The following ADCY2 variants were observed in gnomAD, a reference collection of about 807,000 sequenced individuals.
ADCY2 encodes adenylate cyclase type 2.
A neutral mutation model predicts 125.2 loss-of-function variants in ADCY2; 31 were observed. The ratio of observed to expected loss-of-function variants is 0.25; its 90% CI spans 0.19 to 0.33. ADCY2 has a LOEUF of 0.33. ADCY2 is among the 10% of genes least tolerant of loss of function. The pLI is 1.00. For missense variants in ADCY2, 904 were observed against 1,418.2 expected (o/e 0.64, Z 5.82); for synonymous variants, 512 against 548.4 (o/e 0.93, Z 0.93).
intron 16 of ADCY2, among the ~76,000 whole-genome samples, chr5:7,764,452 G>A (rs1393685122): frequency 6.6e-6 from 1 of 152,148 alleles, no homozygotes; most frequent in Non-Finnish European, 1.5e-5. Context: ...GTTAACTATA[G>A]TCTAGTCAGG....
At chr5:7,514,353 A>G (rs925683806) in intron 2 of ADCY2, among the ~76,000 whole-genome samples, 1 of 152,180 alleles carries the variant, frequency 6.6e-6, no homozygotes, top group African/African-American at 2.4e-5. Context: ...TAGTAATTTT[A>G]TGTCCAAAAA....
At chr5:7,704,352 G>A (rs1006469899) in intron 7 of ADCY2, among the ~76,000 whole-genome samples, 1 of 152,132 alleles carries the variant, frequency 6.6e-6, no homozygotes, top group Non-Finnish European at 1.5e-5. Flanking sequence ...CAGGCACCAC[G>A]GCAGAGGCAC....
At chr5:7,611,182 A>G (rs1178994937) in intron 3 of ADCY2, 1 of 152,238 alleles carries the variant, frequency 6.6e-6, no homozygotes, top group African/African-American at 2.4e-5. Flanking sequence ...AACTGTAGGT[A>G]AACTCTTTTG....
chr5:7,698,953 G>T (rs1344367186), intron 7 of ADCY2, among the ~76,000 whole-genome samples: 1 of 151,976 alleles, frequency 6.6e-6, no homozygotes, highest in East Asian at 1.9e-4. Flanking sequence ...GATCCTTGAG[G>T]AATCACCACA....
At chr5:7,540,458 C>A (rs533374518) in intron 3 of ADCY2, among the ~76,000 whole-genome samples, 1 of 152,274 alleles carries the variant, frequency 6.6e-6, no homozygotes, top group Admixed American at 6.5e-5. Context: ...TTTTCCATCT[C>A]TAATTTCCGC....
At chr5:7,756,419 G>A (rs1042582102) in intron 15 of ADCY2, among the ~76,000 whole-genome samples, 1 of 152,290 alleles carries the variant, frequency 6.6e-6, no homozygotes, top group Admixed American at 6.5e-5. Flanking sequence ...CAACAGCCAA[G>A]AGGTGAAGCA....
intron 10 of ADCY2, among the ~76,000 whole-genome samples, chr5:7,710,672 A>T (rs1305901505): frequency 6.6e-6 from 1 of 152,206 alleles, no homozygotes; most frequent in Non-Finnish European, 1.5e-5. Context: ...TCATGGGGTG[A>T]GATGCACCAC....
intron 3 of ADCY2, among the ~76,000 whole-genome samples, chr5:7,554,126 G>A (rs1735432349): frequency 6.6e-6 from 1 of 152,158 alleles, no homozygotes; most frequent in Non-Finnish European, 1.5e-5. Flanking sequence ...AAATAAATAG[G>A]AATTTGTTTA....
At chr5:7,626,440 G>A in intron 4 of ADCY2, 124 bp downstream of exon 4, 1 of 1,131,012 alleles carries the variant, frequency 8.8e-7, no homozygotes, top group East Asian at 2.6e-5. Context: ...AGAAACCCTG[G>A]GCTCTGCACC....
intron 3 of ADCY2, among the ~76,000 whole-genome samples, chr5:7,582,561 T>C (rs1337941811): frequency 1.3e-5 from 2 of 152,114 alleles, no homozygotes; most frequent in African/African-American, 4.8e-5. Context: ...ATACAAAGAA[T>C]AATATATTTT....
At chr5:7,717,504 C>T (rs539427005) in intron 12 of ADCY2, among the ~76,000 whole-genome samples, 24 of 152,242 alleles carry the variant, frequency 1.6e-4, no homozygotes, top group African/African-American at 5.1e-4. Context: ...AATTACAGCA[C>T]GATGTGTTCA....
rs1744739661 is a variant in ADCY2 at position 7,805,704 on chromosome 5, A to G, written c.2883+1012A>G. On this transcript the variant is annotated intron_variant, in intron 22 of 24. Transcript: ENST00000338316. ...TCTCCCATAACCACCTCCCATGGGAAGAGTGAGAGTGGGGAGAGAGGCAGC... is the reference window on the plus strand; with the variant it reads ...TCTCCCATAACCACCTCCCATGGGAGGAGTGAGAGTGGGGAGAGAGGCAGC... Among the ~76,000 whole-genome samples, 4 of 152,188 alleles carry G rather than the reference A, an allele frequency of 2.6e-5. No individual in the cohort carries two copies. The South Asian group carries it at 8.3e-4, about 32-fold the overall frequency.
At position 7,802,405 on chromosome 5, in the gene ADCY2, C is replaced by A; in HGVS notation, c.2775+41C>A. 6.2e-7 allele frequency: 1 copy of A among 1,603,700 alleles called. No homozygotes were observed. ...TGCCCTCGAAGGGCAGCAGTACACT[C>A]AGTCTCACACCTGTGCACTTGAAGT... On this transcript the variant is annotated intron_variant, in intron 21 of 24. Coordinates refer to ENST00000338316, the MANE Select transcript of ADCY2 (RefSeq NM_020546.3). This position sits in a 1 kb window ranked among gnomAD's most constrained non-coding sequence, Gnocchi z 4.6.
In ADCY2 at chr5:7,779,750, T is replaced by C. The variant is rs149477775; in HGVS notation, c.2385-4615T>C. ...CGGGAGCCTTTGAGCCATCTGTCCC[T>C]GGAAGATGTTGGGCCATCTTTGCTG... On this transcript the variant is annotated intron_variant, in intron 18 of 24. Transcript: ENST00000338316. Among the ~76,000 whole-genome samples the C allele has an allele frequency of 3.6e-3, 545 of 152,348 alleles. 2 individuals are homozygous for C. The highest frequency in any genetic ancestry group is 0.013 in the African/African-American group (520 of 41,574).
intron 2 of ADCY2, among the ~76,000 whole-genome samples, chr5:7,499,063 AGT>A (rs1298077549): frequency 2.6e-5 from 4 of 152,186 alleles, no homozygotes; most frequent in African/African-American, 4.8e-5. Flanking sequence ...GCTGGAGTGC[AGT>A]GGTGCCATCT....
intron 4 of ADCY2, among the ~76,000 whole-genome samples, chr5:7,645,613 G>T (rs186600438): frequency 1.1e-4 from 17 of 152,214 alleles, no homozygotes; most frequent in Admixed American, 3.3e-4. Context: ...ATTAATTTCT[G>T]CCCAGTAACA....
chr5:7,587,139 C>G (rs1288758485), intron 3 of ADCY2, among the ~76,000 whole-genome samples: 1 of 152,106 alleles, frequency 6.6e-6, no homozygotes, highest in Non-Finnish European at 1.5e-5. Flanking sequence ...TGCCCAGGCC[C>G]GAAGTGCTGA....
chr5:7,438,639 G>C (rs1258057473), intron 2 of ADCY2, among the ~76,000 whole-genome samples: 2 of 152,216 alleles, frequency 1.3e-5, no homozygotes, highest in African/African-American at 4.8e-5. Flanking sequence ...TGGTTTTACT[G>C]CTTGCCCGCT....
chr5:7,431,339 G>A (rs1411241156), intron 2 of ADCY2, among the ~76,000 whole-genome samples: 1 of 152,068 alleles, frequency 6.6e-6, no homozygotes, highest in African/African-American at 2.4e-5. Context: ...AAGACAGATG[G>A]TTTTGTGCAA....
Sources: allele counts gnomAD v4.1 joint callset (sites outside exome capture counted in the v4.1 genomes callset), GRCh38; gene constraint gnomAD v4.1.1; non-coding constraint Gnocchi (gnomAD v3.1); transcripts MANE v1.5; gene names NCBI Gene and HGNC (gene_info 2026-07-23, HGNC 2026-07-21).